TRIM37: variants seen among roughly 807,000 people sequenced by gnomAD.
TRIM37 encodes the protein tripartite motif containing 37.
Under a neutral mutation model 129.8 loss-of-function variants are expected in TRIM37, and 80 were observed. The observed-to-expected ratio is 0.62, with a 90% CI of 0.51 to 0.74. The LOEUF (loss-of-function observed/expected upper bound fraction) is 0.74. TRIM37 is among the 30% of genes least tolerant of loss of function. TRIM37 has a pLI of 0.00. For synonymous variants in TRIM37, 389 were observed against 387.1 expected (o/e 1.00, Z -0.06); for missense variants, 1,054 against 1,176.5 (o/e 0.90, Z 1.52).
In TRIM37 at chr17:58,999,200, C is replaced by G; in HGVS notation, c.*177G>C. The G allele has an allele frequency of 6.8e-7, 1 of 1,479,658 alleles. No homozygotes were observed. The highest frequency in any genetic ancestry group is 8.9e-7 in the Non-Finnish European group (1 of 1,118,354). The allele number at this position is 1,479,658 out of a possible 1,614,324, so 91.7% of individuals were successfully genotyped here. On this transcript the variant is annotated 3_prime_UTR_variant, in exon 24 of 24. Transcript: ENST00000262294. ...CCCATACTGTTTTTCCCATGTACTA[C>G]TGCTGTCTTAGACTAAACTGTGCCA...
intron 17 of TRIM37, among the ~76,000 whole-genome samples, chr17:59,032,942 A>T (rs1467377517): frequency 6.6e-6 from 1 of 152,180 alleles, no homozygotes; most frequent in Non-Finnish European, 1.5e-5. Flanking sequence ...ACTGATGCAC[A>T]TTACAGACAT....
At chr17:59,105,582 C>T (rs1287785845) in intron 1 of TRIM37, among the ~76,000 whole-genome samples, 1 of 152,096 alleles carries the variant, frequency 6.6e-6, no homozygotes, top group Admixed American at 6.6e-5. Context: ...TTAAACCCTC[C>T]TAAAACCAAG....
chr17:59,092,980 G>A (rs1335736018), intron 2 of TRIM37, among the ~76,000 whole-genome samples: 6 of 151,890 alleles, frequency 4.0e-5, no homozygotes, highest in East Asian at 1.9e-4. Flanking sequence ...GTGAAATCCC[G>A]TCTCTACTAA....
chr17:59,028,584 A>C lies in TRIM37; in HGVS notation c.2088T>G (p.Leu696=). Residue 696 remains leucine (L), a synonymous_variant, in exon 19 of 24, where the codon CTT becomes CTG. Transcript: ENST00000262294. ...RCMKTDVKNT[L]SEIKSSSAAS... ...CAGCACTGCTGCTTTTTATTTCTGA[A>C]AGTGTATTCTTTACATCAGTTTTCA... is the stretch of plus-strand genomic sequence containing the variant. The C allele has an allele frequency of 6.2e-7, 1 of 1,614,166 alleles. No individual in the cohort carries two copies. The highest frequency in any genetic ancestry group is 8.5e-7 in the Non-Finnish European group (1 of 1,180,042).
At chr17:59,005,499 G>T (rs1304552187) in intron 22 of TRIM37, among the ~76,000 whole-genome samples, 1 of 152,042 alleles carries the variant, frequency 6.6e-6, no homozygotes, top group African/African-American at 2.4e-5. Context: ...TGGCCAAGCT[G>T]GTCTCGAACT....
chr17:59,034,407 A>G (rs991325482), intron 17 of TRIM37, among the ~76,000 whole-genome samples: 1 of 151,026 alleles, frequency 6.6e-6, no homozygotes, highest in Non-Finnish European at 1.5e-5. Context: ...AAATGTTCCC[A>G]GCTTTCTTTT....
chr17:59,068,627 T>G (rs986910751), intron 9 of TRIM37, among the ~76,000 whole-genome samples: 2 of 152,166 alleles, frequency 1.3e-5, no homozygotes, highest in African/African-American at 4.8e-5. Context: ...TTAATAATAT[T>G]CAGTGCTGTC....
At position 59,093,937 on chromosome 17, in the gene TRIM37, C is replaced by T. The variant is rs576258352; in HGVS notation, c.124-2597G>A. The stretch of plus-strand genomic sequence containing the variant: ...TGAGACAGAGTCTCACTCCCTCCCC[C>T]AGGCTTGAGTGCAGTGGTGCAATCT... On this transcript the variant is annotated intron_variant, in intron 2 of 23. Coordinates refer to ENST00000262294, the MANE Select transcript of TRIM37 (RefSeq NM_015294.6). Among the ~76,000 whole-genome samples, 4 of 152,286 alleles carry T rather than the reference C, an allele frequency of 2.6e-5. No homozygotes were observed. In the East Asian group the frequency reaches 5.8e-4, roughly 22 times the overall value.
chr17:59,106,454 T>C lies in TRIM37; in HGVS notation c.8A>G (p.Glu3Gly), dbSNP rs1268096929. Residue 3 changes from glutamate (E) to glycine (G), a missense_variant, in exon 1 of 24, where the codon GAA becomes GGA. Transcript: ENST00000262294. The stretch of plus-strand genomic sequence containing the variant: ...CAACCCCCTCACCTCCACGCTCTGT[T>C]CATCCATTGCCTCCGGCTCTCGGCG... MD[E>G]QSVESIAEVF... is the part of the protein sequence containing the mutation. 9.3e-6 allele frequency: 15 copies of C among 1,614,028 alleles called. No individual in the cohort carries two copies. The highest frequency in any genetic ancestry group is 1.2e-5 in the Non-Finnish European group (14 of 1,179,986).
At chr17:59,092,375 G>A (rs888310225) in intron 2 of TRIM37, among the ~76,000 whole-genome samples, 29 of 151,186 alleles carry the variant, frequency 1.9e-4, no homozygotes, top group African/African-American at 5.8e-4. Context: ...CTCTAGCCTG[G>A]GCAACAGAGC....
At chr17:59,001,866 A>G in intron 22 of TRIM37, 152 bp from the exon 23 acceptor site, 1 of 1,119,670 alleles carries the variant, frequency 8.9e-7, no homozygotes, top group Non-Finnish European at 1.3e-6. Flanking sequence ...AAACAAAGAC[A>G]AAAGTAACCG....
the TRIM37 span, among the ~76,000 whole-genome samples, chr17:58,976,154 A>C: frequency 6.6e-6 from 1 of 152,160 alleles, no homozygotes; most frequent in Non-Finnish European, 1.5e-5. Context: ...CAAGGAAGAG[A>C]GCAAGTAGAG....
chr17:59,070,971 G>A, intron 8 of TRIM37, 24 bp from the exon 9 acceptor site: 1 of 1,611,650 alleles, frequency 6.2e-7, no homozygotes, highest in Non-Finnish European at 8.5e-7. Context: ...AAAATTATCT[G>A]AACAAACAAA....
intron 19 of TRIM37, among the ~76,000 whole-genome samples, chr17:59,026,384 C>T (rs1428831174): frequency 6.6e-6 from 1 of 152,092 alleles, no homozygotes; most frequent in Non-Finnish European, 1.5e-5. Context: ...ACCAAAAGCA[C>T]AGGGAACAAA....
rs533085534 is a variant in TRIM37, at chr17:59,047,918, G to A, written c.1531-99C>T. ...AAACCAAGCACCAAAGAATAATACAGTTTTCAAAAATCTATTTTCTGCTCC... is the reference window on the plus strand; with the variant it reads ...AAACCAAGCACCAAAGAATAATACAATTTTCAAAAATCTATTTTCTGCTCC... On this transcript the variant is annotated intron_variant, in intron 15 of 23. Coordinates refer to ENST00000262294, the MANE Select transcript of TRIM37 (RefSeq NM_015294.6). 1.2e-5 allele frequency: 17 copies of A among 1,459,584 alleles called. 1 individual carries two copies. Among genetic ancestry groups the A allele is most frequent in the East Asian group, 9.2e-5 (4 of 43,694 alleles). 90.4% of individuals were successfully genotyped at this position (1,459,584 alleles called of 1,614,324 possible). A position where few individuals can be genotyped will look rare whatever the true frequency, so the allele number is the denominator to read the frequency against.
chr17:59,007,085 C>T (rs1033836717), intron 22 of TRIM37, among the ~76,000 whole-genome samples: 2 of 151,372 alleles, frequency 1.3e-5, no homozygotes, highest in African/African-American at 4.9e-5. Flanking sequence ...AACATCTTAC[C>T]GCCCTGAGAA....
intron 22 of TRIM37, among the ~76,000 whole-genome samples, chr17:59,004,063 T>C (rs948477273): frequency 6.6e-6 from 1 of 152,140 alleles, no homozygotes; most frequent in African/African-American, 2.4e-5. Flanking sequence ...GAGCTATGAT[T>C]GTACCACTGT....
intron 19 of TRIM37, among the ~76,000 whole-genome samples, chr17:59,020,489 T>A (rs541013742): frequency 6.6e-6 from 1 of 151,918 alleles, no homozygotes; most frequent in African/African-American, 2.4e-5. Flanking sequence ...AATAAATGAC[T>A]GTATATCAAT....
At chr17:59,054,577 C>T (rs1007740483) in intron 13 of TRIM37, among the ~76,000 whole-genome samples, 1 of 152,190 alleles carries the variant, frequency 6.6e-6, no homozygotes, top group African/African-American at 2.4e-5. Flanking sequence ...GCTGGGATTA[C>T]AGGCGTGAGC....
Sources: allele counts gnomAD v4.1 joint callset (sites outside exome capture counted in the v4.1 genomes callset), GRCh38; gene constraint gnomAD v4.1.1; transcripts MANE v1.5; gene names NCBI Gene and HGNC (gene_info 2026-07-23, HGNC 2026-07-21).